Variants in ITPR2 observed in about 807,000 individuals in gnomAD.
ITPR2 encodes inositol 1,4,5-trisphosphate-gated calcium channel ITPR2.
Under a neutral mutation model 317.1 loss-of-function variants are expected in ITPR2, and 207 were observed. The observed-to-expected ratio is 0.65, with a 90% CI of 0.58 to 0.73. The LOEUF (loss-of-function observed/expected upper bound fraction) is 0.73. Among genes scored for constraint, ITPR2 ranks in the 30% least tolerant of loss-of-function variants. The pLI is 0.00. For missense variants in ITPR2, 2,613 were observed against 3,284.0 expected (o/e 0.80, Z 4.99); for synonymous variants, 1,156 against 1,149.1 (o/e 1.01, Z -0.12).
At chr12:26,564,057 AAAG>A (rs1219359030) in intron 34 of ITPR2, among the ~76,000 whole-genome samples, 1 of 152,248 alleles carries the variant, frequency 6.6e-6, no homozygotes, top group Non-Finnish European at 1.5e-5. Flanking sequence ...AGAAAATCAG[AAAG>A]AAGAATGACA....
rs151219796 is a variant in ITPR2 at position 26,653,731 on chromosome 12, T to C, written c.2740+245A>G. ...AGAATATTTTCACAAGTGGCTTGGCTATAATGTTAGTTGCTAAAGATGGAA... is the reference window on the plus strand; with the variant it reads ...AGAATATTTTCACAAGTGGCTTGGCCATAATGTTAGTTGCTAAAGATGGAA... On this transcript the variant is annotated intron_variant, in intron 21 of 56. Coordinates refer to ENST00000381340, the MANE Select transcript of ITPR2 (RefSeq NM_002223.4). 2.9e-3 allele frequency among the ~76,000 whole-genome samples: 448 copies of C among 152,358 alleles called. 2 individuals are homozygous for C. The highest frequency in any genetic ancestry group is 0.01 in the African/African-American group (429 of 41,586).
intron 45 of ITPR2, among the ~76,000 whole-genome samples, chr12:26,453,766 G>A (rs76921243): frequency 0.038 from 5,813 of 152,220 alleles, 136 homozygotes; most frequent in Middle Eastern, 0.11. Flanking sequence ...TCCCATCCAC[G>A]TCCCCTCCCA....
intron 23 of ITPR2, among the ~76,000 whole-genome samples, chr12:26,627,139 A>G (rs886265689): frequency 6.6e-6 from 1 of 152,198 alleles, no homozygotes; most frequent in African/African-American, 2.4e-5. Context: ...ATACAAAGTA[A>G]ATTTTTTTAA....
chr12:26,533,363 T>A (rs1405937829), intron 37 of ITPR2, among the ~76,000 whole-genome samples: 4 of 152,204 alleles, frequency 2.6e-5, no homozygotes, highest in African/African-American at 9.7e-5. Context: ...TAAACAATAA[T>A]GTTTAGAAAT....
intron 43 of ITPR2, 102 bp downstream of exon 43, chr12:26,481,029 T>C (rs1262915366): frequency 6.6e-6 from 4 of 606,080 alleles, no homozygotes; most frequent in Non-Finnish European, 1.2e-5. Context: ...TTCTGTCAAT[T>C]GATTAGTTGA....
chr12:26,534,769 T>C (rs1944041658), intron 37 of ITPR2, among the ~76,000 whole-genome samples: 1 of 152,214 alleles, frequency 6.6e-6, no homozygotes, highest in Non-Finnish European at 1.5e-5. Context: ...ACAGGTGGTT[T>C]ACTAAGAAAG....
chr12:26,607,779 A>C (rs1420972345), intron 26 of ITPR2, among the ~76,000 whole-genome samples: 1 of 152,136 alleles, frequency 6.6e-6, no homozygotes, highest in Non-Finnish European at 1.5e-5. Flanking sequence ...GCTCCGTCCC[A>C]AGACAAATAA....
Position 26,715,562 on chromosome 12 carries a change from T to C in ITPR2, c.709-117A>G, listed in dbSNP as rs556776474. 16 of 952,104 alleles carry C rather than the reference T, an allele frequency of 1.7e-5. No homozygotes were observed. The East Asian group carries it at 4.2e-4, about 25-fold the overall frequency. The allele number at this position is 952,104 out of a possible 1,614,324, so 59.0% of individuals were successfully genotyped here. On this transcript the variant is annotated intron_variant, in intron 7 of 56. Coordinates refer to ENST00000381340, the MANE Select transcript of ITPR2 (RefSeq NM_002223.4). ...ATTTGACTTTTAAAGCTTATTTAAATTTATTTAATGCTTATTTAAACATTT... is the reference window on the plus strand; with the variant it reads ...ATTTGACTTTTAAAGCTTATTTAAACTTATTTAATGCTTATTTAAACATTT...
At chr12:26,667,935 A>G (rs1226634086) in intron 13 of ITPR2, among the ~76,000 whole-genome samples, 1 of 152,082 alleles carries the variant, frequency 6.6e-6, no homozygotes, top group Admixed American at 6.5e-5. Context: ...TCAACCCTAC[A>G]TGTAAAGCCC....
At chr12:26,421,880 T>C (rs562662505) in intron 49 of ITPR2, among the ~76,000 whole-genome samples, 2 of 152,230 alleles carry the variant, frequency 1.3e-5, no homozygotes, top group South Asian at 2.1e-4. Context: ...AGGTGAACTG[T>C]GTGACAGTGG....
chr12:26,361,146 C>T (rs1938815850), intron 55 of ITPR2, among the ~76,000 whole-genome samples: 1 of 150,036 alleles, frequency 6.7e-6, no homozygotes. Flanking sequence ...ACCCAGGAGG[C>T]GGAGGTTGCA....
intron 45 of ITPR2, among the ~76,000 whole-genome samples, chr12:26,461,835 G>C (rs1008301105): frequency 6.6e-6 from 1 of 151,534 alleles, no homozygotes; most frequent in Non-Finnish European, 1.5e-5. Context: ...ATCCTGACAA[G>C]GGACTTTTCA....
At chr12:26,779,623 G>A (rs747585532) in intron 2 of ITPR2, among the ~76,000 whole-genome samples, 4 of 152,154 alleles carry the variant, frequency 2.6e-5, no homozygotes, top group Non-Finnish European at 5.9e-5. Context: ...GGCCTGGTTC[G>A]CAGATAGTTA....
chr12:26,604,494 T>G (rs1946077915), intron 26 of ITPR2, among the ~76,000 whole-genome samples: 1 of 152,220 alleles, frequency 6.6e-6, no homozygotes, highest in Non-Finnish European at 1.5e-5. Context: ...TTCTCCCTGC[T>G]TCATCCCTGT....
At chr12:26,744,348 T>A (rs1272225414) in intron 2 of ITPR2, among the ~76,000 whole-genome samples, 1 of 152,228 alleles carries the variant, frequency 6.6e-6, no homozygotes, top group Non-Finnish European at 1.5e-5. Flanking sequence ...ACACTTCCAC[T>A]TCAGGGACTT....
chr12:26,371,483 C>T (rs1227046248), intron 55 of ITPR2, among the ~76,000 whole-genome samples: 2 of 152,230 alleles, frequency 1.3e-5, no homozygotes, highest in African/African-American at 2.4e-5. Context: ...AACAACTCCA[C>T]AGGCAAGTAA....
chr12:26,596,611 C>T (rs1323487657), intron 31 of ITPR2, among the ~76,000 whole-genome samples: 1 of 147,100 alleles, frequency 6.8e-6, no homozygotes, highest in East Asian at 2.0e-4. Flanking sequence ...CTTGCCATCG[C>T]ACTCCAGCCT....
chr12:26,507,783 G>C (rs1345955664), intron 37 of ITPR2, among the ~76,000 whole-genome samples: 3 of 151,974 alleles, frequency 2.0e-5, no homozygotes, highest in African/African-American at 7.2e-5. Flanking sequence ...GTGAACTACA[G>C]GTTGCTGATG....
At chr12:26,523,087 A>G (rs1943708714) in intron 37 of ITPR2, among the ~76,000 whole-genome samples, 1 of 152,240 alleles carries the variant, frequency 6.6e-6, no homozygotes, top group Admixed American at 6.5e-5. Flanking sequence ...GAGCTGGGAT[A>G]GCCAAGCTCA....
Sources: allele counts gnomAD v4.1 joint callset (sites outside exome capture counted in the v4.1 genomes callset), GRCh38; gene constraint gnomAD v4.1.1; transcripts MANE v1.5; gene names NCBI Gene and HGNC (gene_info 2026-07-23, HGNC 2026-07-21).